Variants in CFTR observed in about 807,000 individuals in gnomAD.
The protein encoded by CFTR is cystic fibrosis transmembrane conductance regulator.
Under a neutral mutation model 171.6 loss-of-function variants are expected in CFTR, and 181 were observed. The observed-to-expected ratio is 1.05, with a 90% CI of 0.93 to 1.19. The LOEUF (loss-of-function observed/expected upper bound fraction) is 1.19, where lower values mean the gene tolerates loss of function less well. Among genes scored for constraint, CFTR ranks in the 50% most tolerant of loss-of-function variants. The pLI, the probability that CFTR is intolerant of heterozygous loss-of-function variation, is 0.00. For synonymous variants in CFTR, 583 were observed against 608.0 expected, an observed-to-expected ratio of 0.96 and a Z score of 0.60; for missense variants, 1,968 against 1,734.7, an observed-to-expected ratio of 1.13 and a Z score of -2.39.
At chr7:117,638,715 G>A (rs982601742) in intron 22 of CFTR, among the ~76,000 whole-genome samples, 1 of 148,500 alleles carries the variant, frequency 6.7e-6, no homozygotes, top group African/African-American at 2.5e-5. Flanking sequence ...CAGCCTGGGT[G>A]ACAAGAGCAA....
At chr7:117,515,706 G>A (rs1426617104) in intron 3 of CFTR, among the ~76,000 whole-genome samples, 2 of 152,114 alleles carry the variant, frequency 1.3e-5, no homozygotes, top group Non-Finnish European at 2.9e-5. Flanking sequence ...ATGGTAGTTT[G>A]ATGGGAATAG....
At position 117,668,616 on chromosome 7, in the gene CFTR, TA is replaced by T. The variant is rs757513835; in HGVS notation, c.*1509del. 2.6e-5 allele frequency: 4 copies of T among 152,684 alleles called. No individual in the cohort carries two copies. Among genetic ancestry groups the T allele is most frequent in the Non-Finnish European group, 4.4e-5 (3 of 68,046 alleles). The allele number at this position is 152,684 out of a possible 1,614,324, so 9.5% of individuals were successfully genotyped here. A position where few individuals can be genotyped will look rare whatever the true frequency, so the allele number is the denominator to read the frequency against. On this transcript the variant is annotated 3_prime_UTR_variant, in exon 27 of 27. Coordinates refer to ENST00000003084, the MANE Select transcript of CFTR (RefSeq NM_000492.4). ...CTTAAGAAGACTGCATTATATTTAT[TA>T]CTGTAAGAAAATATCACTTGTCAAT...
At chr7:117,562,699 G>A (rs1255631816) in intron 11 of CFTR, among the ~76,000 whole-genome samples, 1 of 152,176 alleles carries the variant, frequency 6.6e-6, no homozygotes, top group Admixed American at 6.5e-5. Flanking sequence ...GCTGGTTGGG[G>A]GAAAGAGACC....
At chr7:117,511,385 A>G (rs898718724) in intron 3 of CFTR, among the ~76,000 whole-genome samples, 2 of 152,202 alleles carry the variant, frequency 1.3e-5, no homozygotes. Flanking sequence ...TAAACTTCTC[A>G]AGCTTAAAAA....
At chr7:117,548,333 G>GGTGTGTGTGTGTGTGTGTGTGTGTGT (rs3034794) in intron 9 of CFTR, among the ~76,000 whole-genome samples, 3 of 144,078 alleles carry the variant, frequency 2.1e-5, no homozygotes, top group Non-Finnish European at 3.1e-5. Flanking sequence ...AGGAGAAGAG[G>GGTGTGTGTGTGTGTGTGTGTGTGTGT]GTGTGTGTGT....
chr7:117,560,710 A>C lies in CFTR; in HGVS notation c.1584+1055A>C, dbSNP rs528455180. 4 of 152,116 alleles carry C rather than the reference A, an allele frequency of 2.6e-5. No homozygotes were observed. In the South Asian group the frequency reaches 8.3e-4, roughly 32 times the overall value. The allele number at this position is 152,116 out of a possible 1,614,324, so 9.4% of individuals were successfully genotyped here. ...TGAGAGCATAATGAAAAGAAAAGCT[A>C]CCTGCAAAAGTTTTGGACTTACCTC... is the stretch of plus-strand genomic sequence containing the variant. On this transcript the variant is annotated intron_variant, in intron 11 of 26. Coordinates refer to ENST00000003084, the MANE Select transcript of CFTR (RefSeq NM_000492.4).
At chr7:117,596,393 G>T (rs1792126212) in intron 15 of CFTR, among the ~76,000 whole-genome samples, 1 of 152,236 alleles carries the variant, frequency 6.6e-6, no homozygotes, top group African/African-American at 2.4e-5. Flanking sequence ...CCCCCAACCT[G>T]CCGCTGCAGT....
At chr7:117,505,544 T>C (rs1798400998) in intron 2 of CFTR, among the ~76,000 whole-genome samples, 1 of 152,090 alleles carries the variant, frequency 6.6e-6, no homozygotes. Flanking sequence ...TTAGAACTCT[T>C]TGCTCCTATC....
At chr7:117,617,116 C>A (rs1792502860) in intron 21 of CFTR, among the ~76,000 whole-genome samples, 1 of 152,072 alleles carries the variant, frequency 6.6e-6, no homozygotes, top group African/African-American at 2.4e-5. Flanking sequence ...GTTGAGTTTA[C>A]AATGGAGTAA....
At chr7:117,578,897 C>T (rs1791811891) in intron 11 of CFTR, among the ~76,000 whole-genome samples, 1 of 152,038 alleles carries the variant, frequency 6.6e-6, no homozygotes, top group African/African-American at 2.4e-5. Context: ...TCTAATATAA[C>T]TCTTCTCTCA....
chr7:117,528,206 C>T (rs1360465362), intron 3 of CFTR, among the ~76,000 whole-genome samples: 19 of 83,416 alleles, frequency 2.3e-4, no homozygotes, highest in Admixed American at 4.3e-4. Flanking sequence ...TCAGAAATAA[C>T]GCCGCATATC....
intron 23 of CFTR, among the ~76,000 whole-genome samples, chr7:117,652,396 C>A (rs1187496289): frequency 6.6e-6 from 1 of 152,248 alleles, no homozygotes; most frequent in East Asian, 1.9e-4. Flanking sequence ...CCTTAGGAAG[C>A]TAGGCTTATC....
chr7:117,480,522 C>A (rs1048398862), intron 1 of CFTR, among the ~76,000 whole-genome samples: 11 of 152,166 alleles, frequency 7.2e-5, no homozygotes, highest in African/African-American at 2.7e-4. Flanking sequence ...TGATTGTCTT[C>A]TTGGCACATA....
In CFTR at chr7:117,610,677, AG is replaced by A. The variant is rs749651092; in HGVS notation, c.3139+9del. ...AACAACTGGAATCTGAAGGTATGAC[AG>A]TGAATGTGCGATACTCATCTTGTAA... is the stretch of plus-strand genomic sequence containing the variant. On this transcript the variant is annotated intron_variant, in intron 19 of 26. Coordinates refer to ENST00000003084, the MANE Select transcript of CFTR (RefSeq NM_000492.4). 1 of 1,613,240 alleles carries A rather than the reference AG, an allele frequency of 6.2e-7. No homozygotes were observed. The highest frequency in any genetic ancestry group is 8.5e-7 in the Non-Finnish European group (1 of 1,179,414).
At chr7:117,632,557 C>CAAAAAA (rs56829741) in intron 22 of CFTR, among the ~76,000 whole-genome samples, 10 of 91,464 alleles carry the variant, frequency 1.1e-4, no homozygotes, top group African/African-American at 3.2e-4. Flanking sequence ...GACACTGTCT[C>CAAAAAA]AAAAAAAAAA....
chr7:117,482,957 A>G (rs1584765656), intron 1 of CFTR, among the ~76,000 whole-genome samples: 1 of 152,228 alleles, frequency 6.6e-6, no homozygotes, highest in East Asian at 1.9e-4. Context: ...GATTTCTTAC[A>G]AGGGATGTGG....
At chr7:117,631,924 T>C (rs1792753202) in intron 22 of CFTR, among the ~76,000 whole-genome samples, 1 of 152,210 alleles carries the variant, frequency 6.6e-6, no homozygotes, top group Admixed American at 6.5e-5. Context: ...CTTACAGGAA[T>C]GAGCCCTTAT....
intron 3 of CFTR, among the ~76,000 whole-genome samples, chr7:117,510,256 A>G (rs1323846352): frequency 6.6e-6 from 1 of 152,158 alleles, no homozygotes; most frequent in Non-Finnish European, 1.5e-5. Context: ...CTTTTAAGTT[A>G]CCTTTGAGAT....
intron 20 of CFTR, among the ~76,000 whole-genome samples, chr7:117,612,988 C>T (rs1792429486): frequency 6.6e-6 from 1 of 152,094 alleles, no homozygotes; most frequent in South Asian, 2.1e-4. Flanking sequence ...CCTTTTGGCT[C>T]AGGGGTCCAA....
Sources: allele counts gnomAD v4.1 joint callset (sites outside exome capture counted in the v4.1 genomes callset), GRCh38; gene constraint gnomAD v4.1.1; transcripts MANE v1.5; gene names NCBI Gene and HGNC (gene_info 2026-07-23, HGNC 2026-07-21).